EPM2A: variants seen among roughly 807,000 people sequenced by gnomAD.
EPM2A encodes the protein laforin.
Under a neutral mutation model 26.5 loss-of-function variants are expected in EPM2A, and 21 were observed. The ratio of observed to expected loss-of-function variants is 0.79; its 90% CI spans 0.56 to 1.14. EPM2A has a LOEUF of 1.14. Among genes scored for constraint, EPM2A ranks in the 50% most tolerant of loss-of-function variants. The pLI, the probability that EPM2A is intolerant of heterozygous loss-of-function variation, is 0.00. For missense variants in EPM2A, 458 were observed against 440.8 expected (o/e 1.04, Z -0.35); for synonymous variants, 217 against 177.6 (o/e 1.22, Z -1.76).
chr6:145,476,407 CA>C (rs1359014329), intron 4 of EPM2A, among the ~76,000 whole-genome samples: 2 of 151,452 alleles, frequency 1.3e-5, no homozygotes, highest in African/African-American at 4.8e-5. Flanking sequence ...ACAACAACAA[CA>C]AAAAAAGAAA....
intron 2 of EPM2A, among the ~76,000 whole-genome samples, chr6:145,536,497 A>G (rs1443143380): frequency 2.0e-5 from 3 of 151,926 alleles, no homozygotes; most frequent in Admixed American, 1.3e-4. Context: ...GGGTCTCACC[A>G]TGCTGGTCAG....
At chr6:145,440,204 TA>T (rs1562335457) in intron 4 of EPM2A, among the ~76,000 whole-genome samples, 2 of 152,192 alleles carry the variant, frequency 1.3e-5, no homozygotes, top group African/African-American at 4.8e-5. Flanking sequence ...GCACATCTCA[TA>T]TGGTGGCAGA....
intron 4 of EPM2A, among the ~76,000 whole-genome samples, chr6:145,445,522 G>A (rs1779118537): frequency 6.6e-6 from 1 of 152,198 alleles, no homozygotes; most frequent in South Asian, 2.1e-4. Context: ...GGAAGGGGAA[G>A]TGTAGGACTG....
chr6:145,631,848 T>TTC (rs753299374), intron 3 of EPM2A: 5,028 of 142,746 alleles, frequency 0.035, 93 homozygotes, highest in African/African-American at 0.051. Flanking sequence ...CTTTCAGCCT[T>TTC]TCTCTCTCTC....
intron 1 of EPM2A, among the ~76,000 whole-genome samples, chr6:145,694,206 C>G (rs1384176467): frequency 6.6e-6 from 1 of 151,856 alleles, no homozygotes; most frequent in African/African-American, 2.4e-5. Context: ...TGAACATAAG[C>G]TTTGATTCTA....
intron 4 of EPM2A, among the ~76,000 whole-genome samples, chr6:145,464,163 C>A (rs1003959403): frequency 6.6e-6 from 1 of 152,034 alleles, no homozygotes; most frequent in African/African-American, 2.4e-5. Flanking sequence ...ATGCTGTTCT[C>A]GTGATATTGA....
At chr6:145,477,226 C>T (rs1290342779) in intron 4 of EPM2A, among the ~76,000 whole-genome samples, 1 of 151,858 alleles carries the variant, frequency 6.6e-6, no homozygotes, top group South Asian at 2.1e-4. Context: ...CAAGATTGAA[C>T]CCAGAAGAAA....
intron 1 of EPM2A, among the ~76,000 whole-genome samples, chr6:145,729,287 A>G (rs1287951675): frequency 1.3e-5 from 2 of 152,216 alleles, no homozygotes; most frequent in African/African-American, 4.8e-5. Flanking sequence ...TGGAGCTATG[A>G]AAAGAAGGCC....
At chr6:145,442,888 T>A (rs1779083120) in intron 4 of EPM2A, among the ~76,000 whole-genome samples, 1 of 151,670 alleles carries the variant, frequency 6.6e-6, no homozygotes, top group African/African-American at 2.4e-5. Context: ...TGAGATGGTG[T>A]CTCGCTCTGT....
In EPM2A at chr6:145,625,964, T is replaced by G; in HGVS notation, c.*1452A>C. 2 of 1,226,402 alleles carry G rather than the reference T, an allele frequency of 1.6e-6. No homozygotes were observed. The highest frequency in any genetic ancestry group is 2.2e-6 in the Non-Finnish European group (2 of 920,828). 76.0% of individuals were successfully genotyped at this position (1,226,402 alleles called of 1,614,324 possible). On this transcript the variant is annotated 3_prime_UTR_variant, in exon 4 of 4. Coordinates refer to ENST00000367519, the MANE Select transcript of EPM2A (RefSeq NM_005670.4). The stretch of plus-strand genomic sequence containing the variant: ...AAACCCAGCTTTGTATCTCACTTCA[T>G]CTATTTATTCATCATGTGACAATAG...
intron 4 of EPM2A, among the ~76,000 whole-genome samples, chr6:145,440,762 C>T (rs1779051345): frequency 6.6e-6 from 1 of 152,230 alleles, no homozygotes; most frequent in African/African-American, 2.4e-5. Flanking sequence ...CCTTTGACTC[C>T]ATGTCTCATA....
At chr6:145,587,175 A>T (rs781067859) in intron 2 of EPM2A, among the ~76,000 whole-genome samples, 2 of 152,224 alleles carry the variant, frequency 1.3e-5, no homozygotes, top group Non-Finnish European at 2.9e-5. Flanking sequence ...AGTAATTGGT[A>T]ATAACATAAT....
chr6:145,721,274 A>G (rs1445398870), intron 1 of EPM2A: 1 of 152,178 alleles, frequency 6.6e-6, no homozygotes. Context: ...TAAAACCATA[A>G]AGATCACGGA....
chr6:145,652,034 C>A (rs886966190), intron 2 of EPM2A, among the ~76,000 whole-genome samples: 1 of 152,252 alleles, frequency 6.6e-6, no homozygotes, highest in East Asian at 1.9e-4. Flanking sequence ...AATTTTCTGA[C>A]TAGGAGCTGT....
chr6:145,652,765 A>G (rs1777973955), intron 2 of EPM2A, among the ~76,000 whole-genome samples: 1 of 151,842 alleles, frequency 6.6e-6, no homozygotes, highest in African/African-American at 2.4e-5. Context: ...ACATGAAGCA[A>G]TTTCTACAGT....
chr6:145,602,659 G>T lies in EPM2A; in HGVS notation c.340+32586C>A, dbSNP rs548783095. Among the ~76,000 whole-genome samples, 61 of 152,268 alleles carry T rather than the reference G, an allele frequency of 4.0e-4. No homozygotes were observed. The Middle Eastern group carries it at 0.01, about 25-fold the overall frequency. ...AGTTTAGTTTAATTCCTCCCAGAGT[G>T]CCTCAAAACTACACAAACATATCCC... On this transcript the variant is annotated intron_variant, in intron 2 of 3. Transcript: ENST00000450221.
chr6:145,438,469 ATTTTTTT>A (rs68038397), intron 4 of EPM2A, among the ~76,000 whole-genome samples: 8 of 117,214 alleles, frequency 6.8e-5, no homozygotes, highest in African/African-American at 2.1e-4. Context: ...GAAGGGAATA[ATTTTTTT>A]TTTTTTTTTT....
At chr6:145,566,381 G>C (rs745708803) in intron 2 of EPM2A, among the ~76,000 whole-genome samples, 19 of 152,136 alleles carry the variant, frequency 1.2e-4, no homozygotes, top group Non-Finnish European at 2.1e-4. Context: ...TTCCTGGTTT[G>C]TGGACAGTTT....
chr6:145,419,179 G>GCCCCC (rs1266559813), intron 4 of EPM2A, among the ~76,000 whole-genome samples: 3 of 136,212 alleles, frequency 2.2e-5, no homozygotes, highest in Non-Finnish European at 3.2e-5. Flanking sequence ...TCTGTTAAAT[G>GCCCCC]TCCCCCCCCC....
Sources: gnomAD v4.1 joint callset for allele counts (sites outside exome capture counted in the v4.1 genomes callset) on GRCh38, gnomAD v4.1.1 for gene constraint, MANE v1.5 for transcripts, NCBI Gene and HGNC (gene_info 2026-07-23, HGNC 2026-07-21) for gene names.